The following HNRNPM variants were observed in gnomAD, a reference collection of about 807,000 sequenced individuals.
HNRNPM encodes the protein heterogeneous nuclear ribonucleoprotein M.
HNRNPM carries 11 observed loss-of-function variants against 73.1 expected under a neutral mutation model. That is an observed-to-expected ratio of 0.15 (90% CI 0.09 to 0.25). The LOEUF (loss-of-function observed/expected upper bound fraction) is 0.25. Among genes scored for constraint, HNRNPM ranks in the 10% least tolerant of loss-of-function variants. HNRNPM has a pLI of 1.00. For missense variants in HNRNPM, 789 were observed against 1,067.9 expected (o/e 0.74, Z 3.64); for synonymous variants, 407 against 355.2 (o/e 1.15, Z -1.64).
At chr19:8,479,167 C>A (rs961469138) in intron 12 of HNRNPM, among the ~76,000 whole-genome samples, 2 of 147,190 alleles carry the variant, frequency 1.4e-5, no homozygotes, top group Non-Finnish European at 3.0e-5. Flanking sequence ...CTCACTGCGG[C>A]CTCCACCTCC....
intron 9 of HNRNPM, among the ~76,000 whole-genome samples, 160 bp downstream of exon 9, chr19:8,468,994 T>G (rs556845706): frequency 4.6e-5 from 7 of 152,300 alleles, no homozygotes; most frequent in Admixed American, 4.6e-4. Context: ...TGAGCAGAGA[T>G]TCACAACTTG....
At chr19:8,467,723 G>C in intron 8 of HNRNPM, 139 bp downstream of exon 8, 2 of 709,736 alleles carry the variant, frequency 2.8e-6, no homozygotes, top group Non-Finnish European at 5.1e-6. Context: ...GAGCAAAATT[G>C]TGAGAGAAAT....
At chr19:8,481,131 G>T (rs1970887461) in intron 12 of HNRNPM, among the ~76,000 whole-genome samples, 1 of 152,192 alleles carries the variant, frequency 6.6e-6, no homozygotes, top group Non-Finnish European at 1.5e-5. Flanking sequence ...CTAGGCAGTA[G>T]ATCTTTGCAC....
In HNRNPM at chr19:8,463,514, G is replaced by GT. The variant is rs1210418091; in HGVS notation, c.344+11dup. On this transcript the variant is annotated intron_variant, in intron 4 of 15. Transcript: ENST00000325495. ...CTCCAAAGGGATGTGCGTAAGTATC[G>GT]TCTAGTTACTTATTGGTATTTGAGC... 2 of 1,613,206 alleles carry GT rather than the reference G, an allele frequency of 1.2e-6. No individual in the cohort carries two copies. Among genetic ancestry groups the GT allele is most frequent in the Non-Finnish European group, 1.7e-6 (2 of 1,179,418 alleles).
At position 8,485,693 on chromosome 19, in the gene HNRNPM, G is replaced by T; in HGVS notation, c.1265G>T (p.Gly422Val). 6.2e-7 allele frequency: 1 copy of T among 1,606,108 alleles called. No homozygotes were observed. The change falls in exon 14 of 16, where the codon GGC becomes GTC. Residue 422 changes from glycine to valine, a missense_variant. Gly to Val is a moderately radical substitution (Grantham distance 109). Coordinates refer to ENST00000325495, the MANE Select transcript of HNRNPM (RefSeq NM_005968.5). The part of the protein sequence containing the change: ...GGAGMERMGA[G>V]LGHGMDRVGS... Reference sequence around the variant, plus strand: ...GCCGGCATGGAGCGCATGGGCGCGGGCCTGGGCCACGGCATGGATCGCGTG... The same window carrying T: ...GCCGGCATGGAGCGCATGGGCGCGGTCCTGGGCCACGGCATGGATCGCGTG...
At chr19:8,458,325 C>G (rs2145640408) in intron 2 of HNRNPM, among the ~76,000 whole-genome samples, 1 of 152,332 alleles carries the variant, frequency 6.6e-6, no homozygotes, top group East Asian at 1.9e-4. Flanking sequence ...CCACAGCTCC[C>G]CAGGTTGTAT....
At position 8,462,419 on chromosome 19, in the gene HNRNPM, T is replaced by C. The variant is rs1969468321; in HGVS notation, c.284-110T>C. ...GAGAATATGGAGTGTTTCTGGGCTT[T>C]CTTATAAGGCAGAGGCTCCATACAA... On this transcript the variant is annotated intron_variant, in intron 2 of 15. Coordinates refer to ENST00000325495, the MANE Select transcript of HNRNPM (RefSeq NM_005968.5). This position sits in a 1 kb window ranked among gnomAD's most constrained non-coding sequence, Gnocchi z 4.5. 3.3e-6 allele frequency: 3 copies of C among 909,090 alleles called. No homozygotes were observed. Among genetic ancestry groups the C allele is most frequent in the Middle Eastern group, 2.2e-4 (1 of 4,608 alleles). 56.3% of individuals were successfully genotyped at this position (909,090 alleles called of 1,614,324 possible).
chr19:8,461,346 A>G (rs2145651642), intron 2 of HNRNPM, among the ~76,000 whole-genome samples: 1 of 152,326 alleles, frequency 6.6e-6, no homozygotes, highest in East Asian at 1.9e-4. Context: ...TTTAAACAAA[A>G]GAGTTGGAAT....
At chr19:8,456,777 G>C (rs1216811772) in intron 2 of HNRNPM, among the ~76,000 whole-genome samples, 1 of 152,158 alleles carries the variant, frequency 6.6e-6, no homozygotes, top group African/African-American at 2.4e-5. Context: ...CTGCTCCCAC[G>C]TGGCATTTCT....
chr19:8,456,890 CTTCT>C (rs1424342479), intron 2 of HNRNPM, among the ~76,000 whole-genome samples: 2 of 152,172 alleles, frequency 1.3e-5, no homozygotes, highest in African/African-American at 4.8e-5. Context: ...AGTGCAGTTT[CTTCT>C]TTTTGTCTGA....
Position 8,489,109 on chromosome 19 carries a change from T to G in HNRNPM, c.*255T>G. The G allele has an allele frequency of 2.7e-6, 1 of 375,012 alleles. No homozygotes were observed. Among genetic ancestry groups the G allele is most frequent in the Non-Finnish European group, 5.0e-6 (1 of 200,380 alleles). 23.2% of individuals were successfully genotyped at this position (375,012 alleles called of 1,614,324 possible). ...GACTTTGATAATAAATACCGGTTCC[T>G]GAAAACGGCCTGCTTGTGTGTGCTG... is the stretch of plus-strand genomic sequence containing the variant. On this transcript the variant is annotated 3_prime_UTR_variant, in exon 16 of 16. Transcript: ENST00000325495.
intron 1 of HNRNPM, 52 bp downstream of exon 1, chr19:8,445,163 A>T: frequency 7.6e-7 from 1 of 1,320,826 alleles, no homozygotes; most frequent in Non-Finnish European, 9.8e-7. Flanking sequence ...TCCGCGGCCG[A>T]CGCGGGCGGC....
intron 1 of HNRNPM, among the ~76,000 whole-genome samples, chr19:8,446,510 A>G (rs372564810): frequency 7.2e-5 from 11 of 152,294 alleles, no homozygotes; most frequent in African/African-American, 2.6e-4. Flanking sequence ...CCTGGGCTCA[A>G]TCGATCCTTC....
chr19:8,478,063 C>T (rs893274921), intron 12 of HNRNPM, among the ~76,000 whole-genome samples: 11 of 152,140 alleles, frequency 7.2e-5, no homozygotes, highest in African/African-American at 2.4e-4. Context: ...GTAGGTGTTA[C>T]CTTCTGCAGC....
intron 12 of HNRNPM, among the ~76,000 whole-genome samples, chr19:8,482,316 A>C (rs1007166233): frequency 6.6e-6 from 1 of 152,176 alleles, no homozygotes; most frequent in Non-Finnish European, 1.5e-5. Context: ...CTCGTGGCTA[A>C]TGTCCAAGTT....
At chr19:8,474,607 C>T (rs568225637) in intron 12 of HNRNPM, among the ~76,000 whole-genome samples, 17 of 152,200 alleles carry the variant, frequency 1.1e-4, no homozygotes, top group Admixed American at 3.3e-4. Context: ...GTCATCTGCC[C>T]CAGCTACAAG....
intron 9 of HNRNPM, 104 bp downstream of exon 9, chr19:8,468,938 A>G: frequency 1.1e-6 from 1 of 890,226 alleles, no homozygotes. Context: ...GTTAGCCCTC[A>G]GTTCTCTTGG....
At chr19:8,477,255 T>C (rs993024918) in intron 12 of HNRNPM, among the ~76,000 whole-genome samples, 1 of 152,024 alleles carries the variant, frequency 6.6e-6, no homozygotes, top group African/African-American at 2.4e-5. Context: ...CTGCGTGAGA[T>C]GGATGCACAA....
In HNRNPM at chr19:8,465,321, T is replaced by G; in HGVS notation, c.439-3T>G. 1 of 1,599,542 alleles carries G rather than the reference T, an allele frequency of 6.3e-7. No individual in the cohort carries two copies. Among genetic ancestry groups the G allele is most frequent in the Non-Finnish European group, 8.5e-7 (1 of 1,172,950 alleles). Reference sequence around the variant, plus strand: ...AACGTAACACCTTTTGTGCTTGTTTTAGGATCCTGATGGTGAACATGCCAG... The same window carrying G: ...AACGTAACACCTTTTGTGCTTGTTTGAGGATCCTGATGGTGAACATGCCAG... On this transcript the variant is annotated splice_polypyrimidine_tract_variant and splice_region_variant and intron_variant, in intron 5 of 15. Transcript: ENST00000325495.
Sources: allele counts gnomAD v4.1 joint callset (sites outside exome capture counted in the v4.1 genomes callset), GRCh38; gene constraint gnomAD v4.1.1; non-coding constraint Gnocchi (gnomAD v3.1); transcripts MANE v1.5; gene names NCBI Gene and HGNC (gene_info 2026-07-23, HGNC 2026-07-21).